Variants in TRDN observed in about 807,000 individuals in gnomAD.
The protein encoded by TRDN is triadin in skeletal muscle.
TRDN carries 161 observed loss-of-function variants against 149.7 expected under a neutral mutation model. The observed-to-expected ratio is 1.08, with a 90% CI of 0.95 to 1.23. The LOEUF (loss-of-function observed/expected upper bound fraction) is 1.23. TRDN is among the 50% of genes most tolerant of loss of function. The pLI is 0.00. For synonymous variants in TRDN, 294 were observed against 250.5 expected (o/e 1.17, Z -1.64); for missense variants, 896 against 823.5 (o/e 1.09, Z -1.08).
chr6:123,451,479 C>A (rs1010788742), intron 10 of TRDN, among the ~76,000 whole-genome samples: 6 of 151,862 alleles, frequency 4.0e-5, no homozygotes, highest in African/African-American at 1.5e-4. Context: ...ACACCTTTAC[C>A]CACATAAACT....
chr6:123,465,850 A>G (rs1236115254), intron 9 of TRDN, among the ~76,000 whole-genome samples: 1 of 152,206 alleles, frequency 6.6e-6, no homozygotes, highest in African/African-American at 2.4e-5. Context: ...AATCTCACTG[A>G]CAACTAGATA....
chr6:123,244,623 C>A (rs117334409), intron 38 of TRDN, among the ~76,000 whole-genome samples: 1 of 151,872 alleles, frequency 6.6e-6, no homozygotes, highest in Non-Finnish European at 1.5e-5. Flanking sequence ...TGTTTAATTG[C>A]GGTATTTAAA....
intron 24 of TRDN, among the ~76,000 whole-genome samples, chr6:123,304,640 T>C (rs1388026299): frequency 6.6e-6 from 1 of 152,158 alleles, no homozygotes; most frequent in Non-Finnish European, 1.5e-5. Context: ...TTGTGTTAAC[T>C]TATTTAGTTT....
At chr6:123,289,066 T>C (rs1583168) in intron 24 of TRDN, among the ~76,000 whole-genome samples, 8,982 of 146,596 alleles carry the variant, frequency 0.061, 910 homozygotes, top group African/African-American at 0.21. Flanking sequence ...ATATATATAG[T>C]ATGTATGTAT....
intron 2 of TRDN, among the ~76,000 whole-genome samples, chr6:123,558,886 A>T (rs763204256): frequency 3.9e-5 from 6 of 152,242 alleles, no homozygotes; most frequent in Non-Finnish European, 7.3e-5. Context: ...GGATTCCTCC[A>T]GAACCTCCTC....
intron 12 of TRDN, among the ~76,000 whole-genome samples, chr6:123,425,115 G>A (rs768061690): frequency 3.3e-5 from 5 of 151,968 alleles, no homozygotes; most frequent in African/African-American, 4.8e-5. Context: ...AATGAATTAA[G>A]GAAGAGAAAT....
rs541861570 is a variant in TRDN at position 123,358,187 on chromosome 6, GA to G, written c.1322-5602del. On this transcript the variant is annotated intron_variant, in intron 20 of 40. Coordinates refer to ENST00000334268, the MANE Select transcript of TRDN (RefSeq NM_006073.4). ...TCTACTTTTGTAGAAGCGTATTTTA[GA>G]AAAAAAAATAGATTCTTATTTCACT... Among the ~76,000 whole-genome samples, 8 of 149,680 alleles carry G rather than the reference GA, an allele frequency of 5.3e-5. No individual in the cohort carries two copies. The South Asian group carries it at 8.4e-4, about 16-fold the overall frequency.
chr6:123,404,876 C>A (rs1373242930), intron 12 of TRDN, among the ~76,000 whole-genome samples: 1 of 152,184 alleles, frequency 6.6e-6, no homozygotes, highest in Non-Finnish European at 1.5e-5. Flanking sequence ...GGGAATTTCA[C>A]CACTTCATTC....
rs966408294 is a variant in TRDN at position 123,618,295 on chromosome 6, AT to A, written c.22+18458del. On this transcript the variant is annotated intron_variant, in intron 1 of 40. Transcript: ENST00000334268. The stretch of plus-strand genomic sequence containing the variant: ...TTCCTTTCTGGGGCCTCTAGAGAGA[AT>A]CCATCTCCTTGTACTTTCTACCTTC... Among the ~76,000 whole-genome samples, 170 of 152,246 alleles carry A rather than the reference AT, an allele frequency of 1.1e-3. 1 individual carries two copies. Among genetic ancestry groups the A allele is most frequent in the African/African-American group, 4.0e-3 (165 of 41,544 alleles).
intron 12 of TRDN, among the ~76,000 whole-genome samples, chr6:123,401,320 A>T (rs895561652): frequency 2.0e-5 from 3 of 152,240 alleles, no homozygotes; most frequent in African/African-American, 7.2e-5. Flanking sequence ...TAAATCAAGC[A>T]GCCCAAGGAA....
At chr6:123,566,800 CTG>C (rs1782317973) in intron 2 of TRDN, among the ~76,000 whole-genome samples, 1 of 152,064 alleles carries the variant, frequency 6.6e-6, no homozygotes, top group African/African-American at 2.4e-5. Flanking sequence ...CATTTTGAAA[CTG>C]TTATTGAAGC....
intron 24 of TRDN, among the ~76,000 whole-genome samples, chr6:123,306,029 A>G (rs755521401): frequency 5.3e-5 from 8 of 152,150 alleles, no homozygotes; most frequent in Non-Finnish European, 1.2e-4. Context: ...AGTTATTCAA[A>G]CTGGATTTAT....
chr6:123,572,399 G>T (rs1413672428), intron 1 of TRDN, among the ~76,000 whole-genome samples: 4 of 151,910 alleles, frequency 2.6e-5, no homozygotes, highest in African/African-American at 9.7e-5. Flanking sequence ...TCTAACAATG[G>T]TGTAACTCAT....
chr6:123,586,252 G>A lies in TRDN; in HGVS notation c.23-15120C>T, dbSNP rs182477898. Among the ~76,000 whole-genome samples, 29 of 152,234 alleles carry A rather than the reference G, an allele frequency of 1.9e-4. No individual in the cohort carries two copies. In the East Asian group the frequency reaches 3.7e-3, roughly 19 times the overall value. On this transcript the variant is annotated intron_variant, in intron 1 of 40. Coordinates refer to ENST00000334268, the MANE Select transcript of TRDN (RefSeq NM_006073.4). ...TAGTCACGGAATGAAACTGTAAGCC[G>A]GACCGGGTGTGAGGAGGGGAGATGA...
At chr6:123,248,849 C>T (rs1395544383) in intron 38 of TRDN, among the ~76,000 whole-genome samples, 2 of 151,956 alleles carry the variant, frequency 1.3e-5, no homozygotes, top group Non-Finnish European at 2.9e-5. Flanking sequence ...GAGGTGAGAA[C>T]CCTCCATAAC....
At chr6:123,430,165 G>A (rs1169429474) in intron 12 of TRDN, among the ~76,000 whole-genome samples, 1 of 152,014 alleles carries the variant, frequency 6.6e-6, no homozygotes, top group African/African-American at 2.4e-5. Context: ...AGCTACACAG[G>A]AGGCTGAGGT....
intron 5 of TRDN, among the ~76,000 whole-genome samples, chr6:123,523,648 A>G (rs1013407987): frequency 7.9e-5 from 12 of 152,160 alleles, no homozygotes; most frequent in African/African-American, 2.9e-4. Context: ...TGGAGAAGAG[A>G]GAAAGTAGAC....
intron 24 of TRDN, among the ~76,000 whole-genome samples, chr6:123,302,386 C>T (rs1168897922): frequency 6.6e-6 from 1 of 152,018 alleles, no homozygotes. Flanking sequence ...CTCAAATAAA[C>T]ACACAGGTAA....
intron 12 of TRDN, among the ~76,000 whole-genome samples, chr6:123,412,808 G>C (rs1773496947): frequency 1.3e-5 from 2 of 151,704 alleles, no homozygotes; most frequent in Admixed American, 1.3e-4. Context: ...AAATAATAAT[G>C]GTAAATCCTA....
Sources: gnomAD v4.1 joint callset for allele counts (sites outside exome capture counted in the v4.1 genomes callset) on GRCh38, gnomAD v4.1.1 for gene constraint, MANE v1.5 for transcripts, NCBI Gene and HGNC (gene_info 2026-07-23, HGNC 2026-07-21) for gene names.